The following FMNL2 variants were observed in gnomAD, a reference collection of about 807,000 sequenced individuals.
The protein encoded by FMNL2 is formin-like protein 2.
FMNL2 carries 51 observed loss-of-function variants against 130.2 expected under a neutral mutation model. The ratio of observed to expected loss-of-function variants is 0.39; its 90% CI spans 0.31 to 0.49. FMNL2 has a LOEUF of 0.49. Ranked by LOEUF, FMNL2 falls within the 20% of genes least tolerant of loss-of-function variation. FMNL2 has a pLI of 0.85. For synonymous variants in FMNL2, 465 were observed against 467.1 expected (o/e 1.00, Z 0.06); for missense variants, 977 against 1,316.2 (o/e 0.74, Z 3.99).
chr2:152,562,931 A>G (rs1261159390), intron 6 of FMNL2, among the ~76,000 whole-genome samples: 4 of 152,204 alleles, frequency 2.6e-5, no homozygotes, highest in Non-Finnish European at 1.5e-5. Context: ...AGTATCATGT[A>G]TTGCCAAGCT....
chr2:152,495,653 C>CAAAATAAAAAAAAAAA (rs1691468351), intron 1 of FMNL2, among the ~76,000 whole-genome samples: 1 of 48,546 alleles, frequency 2.1e-5, no homozygotes, highest in Non-Finnish European at 3.9e-5. Flanking sequence ...TCCGTCTCAC[C>CAAAATAAAAAAAAAAA]AAAAAAAAAA....
At chr2:152,538,270 T>C (rs1253750621) in intron 2 of FMNL2, among the ~76,000 whole-genome samples, 2 of 62,068 alleles carry the variant, frequency 3.2e-5, no homozygotes, top group African/African-American at 8.9e-5. Context: ...ATATTTTATA[T>C]GAGGTTTTTT....
chr2:152,524,953 T>C (rs554242626), intron 2 of FMNL2, among the ~76,000 whole-genome samples: 1 of 152,144 alleles, frequency 6.6e-6, no homozygotes, highest in Non-Finnish European at 1.5e-5. Context: ...AACACATGCT[T>C]GTCCAAGAAA....
intron 1 of FMNL2, among the ~76,000 whole-genome samples, chr2:152,473,911 G>GTC (rs756858865): frequency 9.2e-5 from 14 of 152,154 alleles, no homozygotes; most frequent in Non-Finnish European, 1.6e-4. Flanking sequence ...GTCTCGCTCT[G>GTC]TCGCCCAGGC....
intron 1 of FMNL2, among the ~76,000 whole-genome samples, chr2:152,364,261 G>GTTTTTTTTTTTTTTTTTTTTTTTTTTT (rs869062341): frequency 4.1e-5 from 1 of 24,460 alleles, no homozygotes; most frequent in Non-Finnish European, 9.3e-5. Context: ...AGGTTTGTGT[G>GTTTTTTTTTTTTTTTTTTTTTTTTTTT]TTTTTTTTTT....
At chr2:152,354,086 G>A (rs1682659013) in intron 1 of FMNL2, among the ~76,000 whole-genome samples, 1 of 152,138 alleles carries the variant, frequency 6.6e-6, no homozygotes, top group African/African-American at 2.4e-5. Context: ...AGAGACCCAG[G>A]TGTTTCAGGG....
Position 152,521,960 on chromosome 2 carries a change from T to C in FMNL2, c.135T>C (p.Pro45=). Residue 45 remains proline (P), a synonymous_variant, in exon 2 of 26, where the codon CCT becomes CCC. Coordinates refer to ENST00000288670, the MANE Select transcript of FMNL2 (RefSeq NM_052905.4). ...TTAAACAGAATGCTATGAACCTACCTCCTGACAAAGCCAGGTTACTGCGGC... is the reference window on the plus strand; with the variant it reads ...TTAAACAGAATGCTATGAACCTACCCCCTGACAAAGCCAGGTTACTGCGGC... ...FAIVLNAMNL[P]PDKARLLRQY... 1.2e-6 allele frequency: 2 copies of C among 1,612,930 alleles called. No individual in the cohort carries two copies. The highest frequency in any genetic ancestry group is 4.5e-5 in the East Asian group (2 of 44,846).
chr2:152,589,332 A>G (rs1186751879), intron 9 of FMNL2, among the ~76,000 whole-genome samples: 2 of 31,576 alleles, frequency 6.3e-5, no homozygotes, highest in Non-Finnish European at 1.1e-4. Flanking sequence ...AAAAACAACA[A>G]AAAAAAACCC....
At chr2:152,508,099 CAG>C (rs928922707) in intron 1 of FMNL2, among the ~76,000 whole-genome samples, 3 of 152,020 alleles carry the variant, frequency 2.0e-5, no homozygotes, top group Non-Finnish European at 4.4e-5. Flanking sequence ...TGTGCAATAA[CAG>C]AGAATATATT....
intron 20 of FMNL2, 120 bp downstream of exon 20, chr2:152,630,025 C>A: frequency 2.3e-6 from 2 of 860,340 alleles, no homozygotes; most frequent in Non-Finnish European, 3.6e-6. Flanking sequence ...TCAACTGGTA[C>A]TAATTTTCTG....
At chr2:152,568,369 C>T (rs538459245) in intron 6 of FMNL2, among the ~76,000 whole-genome samples, 1 of 152,144 alleles carries the variant, frequency 6.6e-6, no homozygotes, top group South Asian at 2.1e-4. Context: ...GCACTCACCA[C>T]CACACCCAGC....
Position 152,640,801 on chromosome 2 carries a change from A to C in FMNL2, c.3056A>C (p.His1019Pro). Residue 1019 changes from histidine (H) to proline (P), a missense_variant, in exon 25 of 26, where the codon CAT becomes CCT. By Grantham distance (77) the His-to-Pro change is moderately conservative. Coordinates refer to ENST00000288670, the MANE Select transcript of FMNL2 (RefSeq NM_052905.4). Reference protein sequence around the residue: ...MEQQDPKSPSHKSKRQQQELI... With the variant: ...MEQQDPKSPSPKSKRQQQELI... ...CTTCTTTCTTCTCAGTCTCCTTCTC[A>C]TAAATCAAAGAGGCAGCAGCAAGAG... is the stretch of plus-strand genomic sequence containing the variant. 1 of 1,613,274 alleles carries C rather than the reference A, an allele frequency of 6.2e-7. No individual in the cohort carries two copies. The highest frequency in any genetic ancestry group is 8.5e-7 in the Non-Finnish European group (1 of 1,179,530).
chr2:152,361,289 G>A (rs1421664795), intron 1 of FMNL2, among the ~76,000 whole-genome samples: 3 of 151,906 alleles, frequency 2.0e-5, no homozygotes, highest in Admixed American at 2.0e-4. Context: ...AGTTTGATAT[G>A]GTCAACTTAA....
At chr2:152,443,798 ACAT>A (rs1398006788) in intron 1 of FMNL2, among the ~76,000 whole-genome samples, 1 of 152,104 alleles carries the variant, frequency 6.6e-6, no homozygotes, top group Non-Finnish European at 1.5e-5. Flanking sequence ...ACCCAAGATC[ACAT>A]CATTGCACTC....
chr2:152,569,101 C>A (rs1033652150), intron 6 of FMNL2, among the ~76,000 whole-genome samples: 1 of 113,920 alleles, frequency 8.8e-6, no homozygotes, highest in East Asian at 2.9e-4. Context: ...GCTTCCCCCC[C>A]CGCCCCAATC....
chr2:152,466,900 C>G (rs1416602991), intron 1 of FMNL2, among the ~76,000 whole-genome samples: 1 of 152,140 alleles, frequency 6.6e-6, no homozygotes, highest in Non-Finnish European at 1.5e-5. Flanking sequence ...GGTTGGTGTT[C>G]TAAGGCTTGC....
intron 9 of FMNL2, among the ~76,000 whole-genome samples, chr2:152,598,444 T>C (rs1312637058): frequency 1.3e-5 from 2 of 152,140 alleles, no homozygotes; most frequent in African/African-American, 4.8e-5. Flanking sequence ...ATCCCAGCAC[T>C]TTGGGAGGCT....
At chr2:152,387,760 C>A (rs1337266640) in intron 1 of FMNL2, among the ~76,000 whole-genome samples, 4 of 151,916 alleles carry the variant, frequency 2.6e-5, no homozygotes, top group African/African-American at 4.8e-5. Context: ...CTCAAGCCAT[C>A]CTCCTGCCTC....
Position 152,559,969 on chromosome 2 carries a change from G to T in FMNL2, c.444-914G>T, listed in dbSNP as rs573459501. ...AGTCATCACCAATTTTCAGATGAAG[G>T]TTCTAACCAAATATTTTATTTTGGC... is the stretch of plus-strand genomic sequence containing the variant. On this transcript the variant is annotated intron_variant, in intron 5 of 25. Coordinates refer to ENST00000288670, the MANE Select transcript of FMNL2 (RefSeq NM_052905.4). 1.3e-3 allele frequency among the ~76,000 whole-genome samples: 200 copies of T among 152,194 alleles called. 1 individual carries two copies. The highest frequency in any genetic ancestry group is 4.7e-3 in the African/African-American group (195 of 41,524).
Sources: allele counts gnomAD v4.1 joint callset (sites outside exome capture counted in the v4.1 genomes callset), GRCh38; gene constraint gnomAD v4.1.1; transcripts MANE v1.5; gene names NCBI Gene and HGNC (gene_info 2026-07-23, HGNC 2026-07-21).